The following MAPK4 variants were observed in gnomAD, a reference collection of about 807,000 sequenced individuals.
MAPK4 encodes the protein mitogen-activated protein kinase 4.
A neutral mutation model predicts 47.7 loss-of-function variants in MAPK4; 22 were observed. The ratio of observed to expected loss-of-function variants is 0.46; its 90% CI spans 0.33 to 0.66. The LOEUF (loss-of-function observed/expected upper bound fraction) is 0.66. Among genes scored for constraint, MAPK4 ranks in the 30% least tolerant of loss-of-function variants. The pLI, the probability that MAPK4 is intolerant of heterozygous loss-of-function variation, is 0.02. For synonymous variants in MAPK4, 390 were observed against 365.7 expected (o/e 1.07, Z -0.76); for missense variants, 736 against 831.7 (o/e 0.88, Z 1.42).
At chr18:50,691,821 A>T (rs190964841) in intron 2 of MAPK4, among the ~76,000 whole-genome samples, 161 of 152,300 alleles carry the variant, frequency 1.1e-3, no homozygotes, top group Non-Finnish European at 1.7e-3. Context: ...AAGTATCGGC[A>T]GCCAGGACTG....
intron 2 of MAPK4, among the ~76,000 whole-genome samples, chr18:50,667,544 C>T (rs141881276): frequency 1.1e-4 from 17 of 152,210 alleles, no homozygotes; most frequent in Admixed American, 3.9e-4. Flanking sequence ...ACAAACTTCT[C>T]GAAACTTAAC....
At chr18:50,646,081 A>G (rs1216942580) in intron 1 of MAPK4, among the ~76,000 whole-genome samples, 1 of 152,246 alleles carries the variant, frequency 6.6e-6, no homozygotes, top group Non-Finnish European at 1.5e-5. Context: ...GAAGGCATCA[A>G]TTCCAGCTAA....
chr18:50,605,780 A>T (rs546672012), intron 1 of MAPK4, among the ~76,000 whole-genome samples: 1 of 152,312 alleles, frequency 6.6e-6, no homozygotes, highest in South Asian at 2.1e-4. Context: ...TCGTTCCTCC[A>T]TACAGCTCAC....
At chr18:50,619,612 A>C (rs1234173686) in intron 1 of MAPK4, among the ~76,000 whole-genome samples, 1 of 152,166 alleles carries the variant, frequency 6.6e-6, no homozygotes, top group East Asian at 1.9e-4. Context: ...TACAGGCGTG[A>C]GCCACCACAC....
At chr18:50,717,411 GCATGGCCAGCACT>G (rs1424267060) in intron 3 of MAPK4, among the ~76,000 whole-genome samples, 1 of 152,124 alleles carries the variant, frequency 6.6e-6, no homozygotes, top group Admixed American at 6.5e-5. Flanking sequence ...CTTACAGGAG[GCATGGCCAGCACT>G]CATGGCCTGC....
chr18:50,729,807 C>T lies in MAPK4; in HGVS notation c.1717C>T (p.Pro573Ser), dbSNP rs780218522. The T allele has an allele frequency of 2.5e-6, 4 of 1,612,284 alleles. No homozygotes were observed. The East Asian group carries it at 8.9e-5, about 36-fold the overall frequency. Residue 573 changes from proline to serine, a missense_variant, in exon 6 of 6, where the codon CCT (proline) becomes TCT (serine). Pro to Ser is a moderately conservative substitution (Grantham distance 74). Coordinates refer to ENST00000400384, the MANE Select transcript of MAPK4 (RefSeq NM_002747.4). ...CAATGGTGCGTGCATCCCCGAGCAC[C>T]CTGGCGACCTCGTGCAGACCGAGGC... ...DLNGACIPEH[P>S]GDLVQTEAFS...
At chr18:50,642,291 G>A (rs1193028186) in intron 1 of MAPK4, among the ~76,000 whole-genome samples, 1 of 152,202 alleles carries the variant, frequency 6.6e-6, no homozygotes, top group Non-Finnish European at 1.5e-5. Flanking sequence ...CTTGAAGATT[G>A]GGAAGTCCAG....
chr18:50,609,856 A>G (rs1457420170), intron 1 of MAPK4, among the ~76,000 whole-genome samples: 4 of 152,198 alleles, frequency 2.6e-5, no homozygotes, highest in Non-Finnish European at 4.4e-5. Context: ...TATATCAGAC[A>G]GAAAAATTAA....
At chr18:50,671,339 C>A (rs900667830) in intron 2 of MAPK4, among the ~76,000 whole-genome samples, 32 of 152,116 alleles carry the variant, frequency 2.1e-4, no homozygotes, top group Non-Finnish European at 4.1e-4. Flanking sequence ...GTGATACGAA[C>A]AATAATTTTG....
Position 50,698,220 on chromosome 18 carries a change from G to C in MAPK4, c.547-16859G>C, listed in dbSNP as rs140955154. The stretch of plus-strand genomic sequence containing the variant: ...TATTAGGCCTTCCACTGAGTGGCCA[G>C]GGGGCTTCTAGAACCAGAGGCATTC... On this transcript the variant is annotated intron_variant, in intron 2 of 5. Coordinates refer to ENST00000400384, the MANE Select transcript of MAPK4 (RefSeq NM_002747.4). Among the ~76,000 whole-genome samples, 599 of 152,312 alleles carry C rather than the reference G, an allele frequency of 3.9e-3. 15 individuals carry two copies. In the East Asian group the frequency reaches 0.057, roughly 14 times the overall value.
intron 1 of MAPK4, among the ~76,000 whole-genome samples, chr18:50,579,109 A>T (rs1422491388): frequency 6.6e-6 from 1 of 152,194 alleles, no homozygotes; most frequent in Non-Finnish European, 1.5e-5. Context: ...GAAGGCAAGG[A>T]AAGTCTTTGA....
intron 1 of MAPK4, among the ~76,000 whole-genome samples, chr18:50,660,149 G>T (rs1414988061): frequency 1.3e-5 from 2 of 152,322 alleles, no homozygotes; most frequent in Middle Eastern, 3.4e-3. Context: ...GAATTGGAAA[G>T]AATTGCTCTG....
At chr18:50,629,022 G>GAA (rs2042805698) in intron 1 of MAPK4, among the ~76,000 whole-genome samples, 3 of 152,218 alleles carry the variant, frequency 2.0e-5, no homozygotes, top group African/African-American at 7.2e-5. Flanking sequence ...CTGAAGCCTT[G>GAA]TGGTATACCT....
At chr18:50,650,450 C>T (rs768341179) in intron 1 of MAPK4, among the ~76,000 whole-genome samples, 44 of 152,072 alleles carry the variant, frequency 2.9e-4, no homozygotes, top group Non-Finnish European at 4.4e-4. Context: ...TGTTTCCCAC[C>T]GATGCATGTG....
chr18:50,618,942 G>A (rs1351098217), intron 1 of MAPK4, among the ~76,000 whole-genome samples: 1 of 152,072 alleles, frequency 6.6e-6, no homozygotes, highest in Non-Finnish European at 1.5e-5. Context: ...CCTGGCCCGG[G>A]TAACTGCCTT....
intron 2 of MAPK4, among the ~76,000 whole-genome samples, chr18:50,674,180 G>T (rs1305931038): frequency 6.6e-6 from 1 of 152,318 alleles, no homozygotes; most frequent in East Asian, 1.9e-4. Context: ...CATTGCTCCA[G>T]TCTCTCCACT....
At chr18:50,711,316 C>T (rs1039987849) in intron 2 of MAPK4, among the ~76,000 whole-genome samples, 25 of 152,254 alleles carry the variant, frequency 1.6e-4, no homozygotes, top group East Asian at 3.9e-4. Context: ...CAATAGCTGA[C>T]GAAAGTCCCA....
intron 1 of MAPK4, among the ~76,000 whole-genome samples, chr18:50,600,029 C>G (rs2042520943): frequency 6.6e-6 from 1 of 152,166 alleles, no homozygotes; most frequent in Non-Finnish European, 1.5e-5. Flanking sequence ...GACTTGGTTT[C>G]TAGTAGAACA....
At chr18:50,633,498 G>A (rs1364762166) in intron 1 of MAPK4, among the ~76,000 whole-genome samples, 1 of 152,164 alleles carries the variant, frequency 6.6e-6, no homozygotes, top group African/African-American at 2.4e-5. Flanking sequence ...CTGTTCTAGT[G>A]CCTGCATCCC....
Sources: allele counts gnomAD v4.1 joint callset (sites outside exome capture counted in the v4.1 genomes callset), GRCh38; gene constraint gnomAD v4.1.1; transcripts MANE v1.5; gene names NCBI Gene and HGNC (gene_info 2026-07-23, HGNC 2026-07-21).